Variants in GK observed in about 807,000 individuals in gnomAD.
GK encodes glycerol kinase, also known as ATP:glycerol 3-phosphotransferase.
GK carries 9 observed loss-of-function variants against 56.4 expected under a neutral mutation model. That is an observed-to-expected ratio of 0.16 (90% CI 0.10 to 0.28). The LOEUF (loss-of-function observed/expected upper bound fraction) is 0.28. GK is among the 10% of genes least tolerant of loss of function. GK has a pLI of 1.00. For missense variants in GK, 161 were observed against 431.4 expected, an observed-to-expected ratio of 0.37 and a Z score of 5.55; for synonymous variants, 104 against 144.1, an observed-to-expected ratio of 0.72 and a Z score of 1.99.
chrX:30,661,736 T>C (rs1460860623), intron 1 of GK, among the ~76,000 whole-genome samples: 1 of 111,964 alleles, frequency 8.9e-6, no homozygotes, highest in Non-Finnish European at 1.9e-5. Context: ...ATTGTGCCAC[T>C]GCACTCCAGC....
At chrX:30,665,459 A>C in intron 1 of GK, 52 bp from the exon 2 acceptor site, 1 of 734,707 alleles carries the variant, frequency 1.4e-6, no homozygotes, top group South Asian at 2.2e-5. Context: ...AACTTTAAAC[A>C]TCCTTGATAT....
At chrX:30,699,108 C>A (rs1184893219) in intron 9 of GK, among the ~76,000 whole-genome samples, 2 of 103,839 alleles carry the variant, frequency 1.9e-5, no homozygotes, top group Non-Finnish European at 3.9e-5. Context: ...ACATGGCAGA[C>A]CAAGGAGTCA....
At chrX:30,708,968 C>A (rs1936175116) in intron 13 of GK, among the ~76,000 whole-genome samples, 1 of 111,365 alleles carries the variant, frequency 9.0e-6, no homozygotes, top group Non-Finnish European at 1.9e-5. Flanking sequence ...TAGTTTATTT[C>A]TATTTTTCTC....
At chrX:30,714,501 G>T (rs1936510172) in intron 13 of GK, among the ~76,000 whole-genome samples, 1 of 111,935 alleles carries the variant, frequency 8.9e-6, no homozygotes, top group Admixed American at 9.5e-5. Context: ...GCCACCCTCA[G>T]CTCCTAGGGC....
chrX:30,677,422 A>G lies in GK; in HGVS notation c.307A>G (p.Ile103Val). ...GGAAACCACTGTAGTCTGGGACAAGATAACTGGAGAGCCTCTCTACAATGC... is the reference window on the plus strand; with the variant it reads ...GGAAACCACTGTAGTCTGGGACAAGGTAACTGGAGAGCCTCTCTACAATGC... ...QRETTVVWDK[I>V]TGEPLYNAVV... Residue 103 changes from isoleucine (I) to valine (V), a missense_variant, in exon 4 of 21, where the codon ATA becomes GTA. By Grantham distance (29) the Ile-to-Val change is conservative (BLOSUM62 3). Transcript: ENST00000427190. The G allele has an allele frequency of 2.4e-5, 27 of 1,147,768 alleles. No homozygotes were observed. Among genetic ancestry groups the G allele is most frequent in the Non-Finnish European group, 2.6e-5 (22 of 837,042 alleles). 94.6% of individuals were successfully genotyped at this position (1,147,768 alleles called of 1,213,427 possible).
chrX:30,695,557 C>T (rs775602833), intron 6 of GK, among the ~76,000 whole-genome samples: 2 of 112,489 alleles, frequency 1.8e-5, no homozygotes, highest in Non-Finnish European at 3.8e-5. Flanking sequence ...TAAAACTCTC[C>T]TTTCAGGATA....
Position 30,694,475 on chromosome X carries a change from G to T in GK, c.490G>T (p.Val164Phe), listed in dbSNP as rs199782390. The T allele has an allele frequency of 1.7e-6, 2 of 1,204,438 alleles. No homozygotes were observed. Among genetic ancestry groups the T allele is most frequent in the African/African-American group, 1.7e-5 (1 of 57,195 alleles). The stretch of plus-strand genomic sequence containing the variant: ...TTGGCTCCTTGACAATGTGAGAAAA[G>T]TTCAAAAGGCCGTTGAAGAAAAACG... ...LRWLLDNVRK[V>F]QKAVEEKRAL... Residue 164 changes from valine (V) to phenylalanine (F), a missense_variant, in exon 6 of 21, where the codon GTT becomes TTT. Val to Phe is a conservative substitution (Grantham distance 50, BLOSUM62 -1). Coordinates refer to ENST00000427190, the MANE Select transcript of GK (RefSeq NM_001205019.2).
At chrX:30,684,666 C>CAAAAAAAAAAAAA (rs60771873) in intron 4 of GK, among the ~76,000 whole-genome samples, 5 of 32,399 alleles carry the variant, frequency 1.5e-4, no homozygotes, top group Non-Finnish European at 2.5e-4. Context: ...AACTCCATCT[C>CAAAAAAAAAAAAA]AAAAAAAAAA....
At chrX:30,699,281 A>T in intron 9 of GK, among the ~76,000 whole-genome samples, 2 of 95,813 alleles carry the variant, frequency 2.1e-5, no homozygotes, top group Non-Finnish European at 4.1e-5. Flanking sequence ...ATGTATATAT[A>T]CAACATGTTA....
At chrX:30,653,963 T>C (rs1932047992) in intron 1 of GK, among the ~76,000 whole-genome samples, 1 of 112,730 alleles carries the variant, frequency 8.9e-6, no homozygotes, top group South Asian at 3.6e-4. Flanking sequence ...CATTGACGGC[T>C]ACCGCGGTCT....
intron 10 of GK, 104 bp downstream of exon 10, chrX:30,700,553 A>G: frequency 1.4e-6 from 1 of 713,286 alleles, no homozygotes; most frequent in South Asian, 2.4e-5. Flanking sequence ...AGGGAAAACA[A>G]GTAAAAGTTG....
At chrX:30,675,340 C>A (rs934034955) in intron 3 of GK, among the ~76,000 whole-genome samples, 2 of 106,310 alleles carry the variant, frequency 1.9e-5, no homozygotes, top group African/African-American at 6.9e-5. Context: ...GGACTACAGG[C>A]GCCCACCACC....
At chrX:30,724,073 ATG>A (rs752269119) in intron 18 of GK, 26 bp from the exon 19 acceptor site, 21 of 902,162 alleles carry the variant, frequency 2.3e-5, no homozygotes, top group Non-Finnish European at 3.2e-5. Flanking sequence ...ACCTTTCGTT[ATG>A]TGTTTTTTCT....
At chrX:30,704,489 C>T (rs1935879517) in intron 11 of GK, among the ~76,000 whole-genome samples, 1 of 108,880 alleles carries the variant, frequency 9.2e-6, no homozygotes, top group African/African-American at 3.4e-5. Flanking sequence ...GAGGCATGGT[C>T]AGTAGCGCAA....
intron 4 of GK, among the ~76,000 whole-genome samples, chrX:30,688,045 T>TC (rs1934717819): frequency 8.9e-6 from 1 of 111,988 alleles, no homozygotes; most frequent in South Asian, 3.7e-4. Context: ...TTAGAGACCA[T>TC]CTAGTCCAGC....
intron 4 of GK, among the ~76,000 whole-genome samples, chrX:30,689,089 G>C (rs987663903): frequency 7.4e-4 from 83 of 112,207 alleles, no homozygotes; most frequent in African/African-American, 2.6e-3. Flanking sequence ...TTTTAAAGTA[G>C]GTAATCAAAA....
chrX:30,681,561 T>C (rs1473512786), intron 4 of GK, among the ~76,000 whole-genome samples: 1 of 111,721 alleles, frequency 9.0e-6, no homozygotes, highest in Non-Finnish European at 1.9e-5. Context: ...AGACAGATAA[T>C]GGGAGAAAGT....
intron 5 of GK, among the ~76,000 whole-genome samples, chrX:30,692,122 A>G (rs758513555): frequency 9.0e-6 from 1 of 111,324 alleles, no homozygotes; most frequent in Non-Finnish European, 1.9e-5. Flanking sequence ...TTTATTTGTC[A>G]GTGGGATGCT....
chrX:30,719,918 C>T (rs1196778346), intron 15 of GK, 93 bp from the exon 16 acceptor site: 5 of 604,171 alleles, frequency 8.3e-6, no homozygotes, highest in Non-Finnish European at 1.4e-5. Context: ...CTGGACATTT[C>T]TGTCTACCAA....
Sources: gnomAD v4.1 joint callset for allele counts (sites outside exome capture counted in the v4.1 genomes callset) on GRCh38, gnomAD v4.1.1 for gene constraint, MANE v1.5 for transcripts, NCBI Gene and HGNC (gene_info 2026-07-23, HGNC 2026-07-21) for gene names.